Variants in USP34 observed in about 807,000 individuals in gnomAD.
The protein encoded by USP34 is ubiquitin carboxyl-terminal hydrolase 34.
USP34 carries 70 observed loss-of-function variants against 460.3 expected under a neutral mutation model. The ratio of observed to expected loss-of-function variants is 0.15; its 90% CI spans 0.13 to 0.19. The LOEUF (loss-of-function observed/expected upper bound fraction) is 0.19, where lower values mean the gene tolerates loss of function less well. Among genes scored for constraint, USP34 ranks in the 10% least tolerant of loss-of-function variants. The probability of loss-of-function intolerance (pLI) is 1.00; values close to 1 mark genes in which losing one functional copy is unlikely to be tolerated. For synonymous variants in USP34, 1,647 were observed against 1,405.3 expected, an observed-to-expected ratio of 1.17 and a Z score of -3.85; for missense variants, 3,985 against 4,236.2, an observed-to-expected ratio of 0.94 and a Z score of 1.65.
At chr2:61,407,360 C>CA (rs1462755576) in intron 2 of USP34, among the ~76,000 whole-genome samples, 1 of 151,970 alleles carries the variant, frequency 6.6e-6, no homozygotes, top group Non-Finnish European at 1.5e-5. Context: ...AACCATGTCT[C>CA]AAAAAAAGGC....
At chr2:61,403,180 T>C (rs1693771014) in intron 3 of USP34, among the ~76,000 whole-genome samples, 1 of 152,132 alleles carries the variant, frequency 6.6e-6, no homozygotes, top group African/African-American at 2.4e-5. Flanking sequence ...AACCAAGTAG[T>C]AACATAAAAT....
At chr2:61,372,140 GA>G (rs1239201835) in intron 8 of USP34, among the ~76,000 whole-genome samples, 1 of 151,826 alleles carries the variant, frequency 6.6e-6, no homozygotes. Context: ...AGATAAACTG[GA>G]AAGATTAAGT....
At chr2:61,463,665 A>G (rs543107549) in intron 1 of USP34, among the ~76,000 whole-genome samples, 7 of 152,112 alleles carry the variant, frequency 4.6e-5, no homozygotes, top group Non-Finnish European at 7.4e-5. Flanking sequence ...GAAACCCCAC[A>G]TCGACTAAAA....
At chr2:61,465,871 G>T (rs1317211858) in intron 1 of USP34, among the ~76,000 whole-genome samples, 8 of 152,002 alleles carry the variant, frequency 5.3e-5, no homozygotes, top group African/African-American at 1.9e-4. Flanking sequence ...CAGCTCCTCG[G>T]GAAGCTGAGT....
chr2:61,447,122 G>T (rs1695141471), intron 1 of USP34, among the ~76,000 whole-genome samples: 1 of 151,650 alleles, frequency 6.6e-6, no homozygotes, highest in Non-Finnish European at 1.5e-5. Context: ...TGGCATCGTG[G>T]CATGCACCTG....
intron 48 of USP34, among the ~76,000 whole-genome samples, chr2:61,252,462 G>T (rs1275886267): frequency 6.6e-6 from 1 of 152,080 alleles, no homozygotes; most frequent in Non-Finnish European, 1.5e-5. Flanking sequence ...ATAACATATT[G>T]CTAGTTCAAG....
chr2:61,417,238 T>TG, intron 2 of USP34: 2 of 1,377,632 alleles, frequency 1.5e-6, no homozygotes, highest in Non-Finnish European at 2.0e-6. Flanking sequence ...AACATACATC[T>TG]GAAAGGCCTG....
At chr2:61,320,437 C>T (rs752046378) in intron 21 of USP34, among the ~76,000 whole-genome samples, 36 of 152,164 alleles carry the variant, frequency 2.4e-4, no homozygotes, top group Non-Finnish European at 2.9e-4. Flanking sequence ...CAGAGAAAAC[C>T]CATGCAGACA....
At chr2:61,383,972 C>T (rs939230728) in intron 5 of USP34, among the ~76,000 whole-genome samples, 9 of 152,084 alleles carry the variant, frequency 5.9e-5, no homozygotes, top group East Asian at 1.9e-4. Flanking sequence ...CCTCTTTGTA[C>T]GGTAGCATCC....
chr2:61,356,688 T>C (rs1692118112), intron 10 of USP34, among the ~76,000 whole-genome samples: 2 of 152,238 alleles, frequency 1.3e-5, no homozygotes, highest in East Asian at 3.9e-4. Flanking sequence ...GAAAGTAGAA[T>C]AGAGGTTACA....
intron 18 of USP34, among the ~76,000 whole-genome samples, chr2:61,336,795 C>CT (rs1194718464): frequency 1.7e-5 from 2 of 119,322 alleles, no homozygotes; most frequent in Non-Finnish European, 3.2e-5. Flanking sequence ...GAGAAACTGA[C>CT]TGAGACTCCA....
rs1442944923 is a variant in USP34, at chr2:61,343,951, A to G, written c.2364T>C (p.Asn788=). The change falls in exon 16 of 80, where the codon AAT becomes AAC. Residue 788 remains asparagine (N), a synonymous_variant. Transcript: ENST00000398571. ...ATTCTTCACCATCAAAATCAGCCAT[A>G]TTTTTTTCTGATTTTGCACTAACCT... ...SSQVSAKSEK[N]MADFDGEESG... 3 of 1,613,800 alleles carry G rather than the reference A, an allele frequency of 1.9e-6. No individual in the cohort carries two copies. The South Asian group carries it at 3.3e-5, about 18-fold the overall frequency.
rs149348741 is a variant in USP34, at chr2:61,294,667, C to T, written c.4461+282G>A. On this transcript the variant is annotated intron_variant, in intron 32 of 79. Coordinates refer to ENST00000398571, the MANE Select transcript of USP34 (RefSeq NM_014709.4). ...AACTCCTGACCTCAAGTGATCCATCCGTCTCAGCCTCCCAAAGGGCTGGAT... is the reference window on the plus strand; with the variant it reads ...AACTCCTGACCTCAAGTGATCCATCTGTCTCAGCCTCCCAAAGGGCTGGAT... 9.2e-5 allele frequency among the ~76,000 whole-genome samples: 14 copies of T among 152,270 alleles called. 1 individual carries two copies. In the East Asian group the frequency reaches 2.1e-3, roughly 23 times the overall value.
At chr2:61,275,638 T>G (rs1013183332) in intron 41 of USP34, among the ~76,000 whole-genome samples, 2 of 151,640 alleles carry the variant, frequency 1.3e-5, no homozygotes, top group African/African-American at 4.8e-5. Context: ...TTAAATGAAC[T>G]GTTTATATAC....
At chr2:61,305,667 TA>T (rs1426529483) in intron 27 of USP34, among the ~76,000 whole-genome samples, 6 of 152,118 alleles carry the variant, frequency 3.9e-5, no homozygotes, top group Non-Finnish European at 8.8e-5. Context: ...ATAAAAGTTA[TA>T]ATCTCACAGA....
intron 21 of USP34, among the ~76,000 whole-genome samples, chr2:61,321,759 C>T (rs543890458): frequency 1.1e-4 from 17 of 152,202 alleles, no homozygotes; most frequent in Admixed American, 1.1e-3. Context: ...GAAGAAAATT[C>T]TTCTCCCTAA....
At chr2:61,369,959 G>C (rs1486421100) in intron 10 of USP34, among the ~76,000 whole-genome samples, 1 of 135,810 alleles carries the variant, frequency 7.4e-6, no homozygotes, top group East Asian at 2.2e-4. Context: ...TTGGAATTTT[G>C]AATCATGTGG....
chr2:61,390,445 A>C (rs1299023550), intron 5 of USP34, among the ~76,000 whole-genome samples: 1 of 152,244 alleles, frequency 6.6e-6, no homozygotes, highest in Non-Finnish European at 1.5e-5. Flanking sequence ...TTCGCAAAGT[A>C]AGAAAACTAC....
chr2:61,319,233 A>T lies in USP34; in HGVS notation c.3108T>A (p.Val1036=). The T allele has an allele frequency of 6.3e-7, 1 of 1,593,766 alleles. No homozygotes were observed. The highest frequency in any genetic ancestry group is 8.5e-7 in the Non-Finnish European group (1 of 1,174,118). ...CCATAGCATGTTGATCTTTACTTCG[A>T]ACTTGATTTAAAAACCAATGGAGTG... is the stretch of plus-strand genomic sequence containing the variant. ...DDALHWFLNQ[V]RSKDQHAMGM... The change falls in exon 22 of 80, where the codon GTT becomes GTA. Residue 1036 remains valine (V), a synonymous_variant. Coordinates refer to ENST00000398571, the MANE Select transcript of USP34 (RefSeq NM_014709.4).
Sources: gnomAD v4.1 joint callset for allele counts (sites outside exome capture counted in the v4.1 genomes callset) on GRCh38, gnomAD v4.1.1 for gene constraint, MANE v1.5 for transcripts, NCBI Gene and HGNC (gene_info 2026-07-23, HGNC 2026-07-21) for gene names.